The following CRTC1 variants were observed in gnomAD, a reference collection of about 807,000 sequenced individuals.
CRTC1 encodes the protein CREB regulated transcription coactivator 1, also known as CREB-regulated transcription coactivator 1.
A neutral mutation model predicts 66.1 loss-of-function variants in CRTC1; 18 were observed. The observed-to-expected ratio is 0.27, with a 90% confidence interval of 0.19 to 0.40. The LOEUF (loss-of-function observed/expected upper bound fraction) is 0.40, where lower values mean the gene tolerates loss of function less well. Ranked by LOEUF, CRTC1 falls within the 10% of genes least tolerant of loss-of-function variation. The probability of loss-of-function intolerance (pLI) is 1.00; values close to 1 mark genes in which losing one functional copy is unlikely to be tolerated. For synonymous variants in CRTC1, 416 were observed against 398.8 expected, an observed-to-expected ratio of 1.04 and a Z score of -0.51; for missense variants, 669 against 887.9, an observed-to-expected ratio of 0.75 and a Z score of 3.13.
rs187249810 is a variant in CRTC1, at chr19:18,701,447, C to T, written c.126+17619C>T. Among the ~76,000 whole-genome samples, 25 of 152,378 alleles carry T rather than the reference C, an allele frequency of 1.6e-4. No individual in the cohort carries two copies. In the South Asian group the frequency reaches 2.9e-3, roughly 18 times the overall value. ...TGCTTGGCCGAGGCCAGCTGTTGAGCTGCTACTTGGGGCAACAGTGAGAGC... is the reference window on the plus strand; with the variant it reads ...TGCTTGGCCGAGGCCAGCTGTTGAGTTGCTACTTGGGGCAACAGTGAGAGC... On this transcript the variant is annotated intron_variant, in intron 1 of 13. Coordinates refer to ENST00000321949, the MANE Select transcript of CRTC1 (RefSeq NM_015321.3).
At chr19:18,729,562 T>C (rs1003311418) in intron 1 of CRTC1, among the ~76,000 whole-genome samples, 4 of 151,644 alleles carry the variant, frequency 2.6e-5, no homozygotes, top group African/African-American at 9.7e-5. Context: ...CTGGGCAACA[T>C]AGGGAGACCG....
chr19:18,748,850 A>G (rs1041406761), intron 4 of CRTC1, among the ~76,000 whole-genome samples: 3 of 152,256 alleles, frequency 2.0e-5, no homozygotes, highest in Middle Eastern at 3.4e-3. Flanking sequence ...AGCCCGTATC[A>G]TAGGTCAGGC....
intron 1 of CRTC1, among the ~76,000 whole-genome samples, chr19:18,713,519 G>A (rs878913833): frequency 1.3e-5 from 2 of 152,210 alleles, no homozygotes; most frequent in African/African-American, 4.8e-5. Flanking sequence ...GTTCTCTGCT[G>A]TGCCCCTTCT....
rs1377684039 is a variant in CRTC1, at chr19:18,779,769, TGTTAACGTGACGACCTTG to T, written c.*2390_*2407del. On this transcript the variant is annotated 3_prime_UTR_variant, in exon 14 of 14. Coordinates refer to ENST00000321949, the MANE Select transcript of CRTC1 (RefSeq NM_015321.3). ...TGAAGCCAGATTCACAGTGACATTG[TGTTAACGTGACGACCTTG>T]GTCCATTATGGAGTTCTTTTTCCAA... is the stretch of plus-strand genomic sequence containing the variant. The T allele has an allele frequency of 4.5e-6, 1 of 223,502 alleles. No homozygotes were observed. Among genetic ancestry groups the T allele is most frequent in the East Asian group, 6.5e-5 (1 of 15,480 alleles). 13.8% of individuals were successfully genotyped at this position (223,502 alleles called of 1,614,324 possible).
rs541412896 is a variant in CRTC1 at position 18,720,513 on chromosome 19, C to A, written c.127-22397C>A. Among the ~76,000 whole-genome samples, 14 of 145,476 alleles carry A rather than the reference C, an allele frequency of 9.6e-5. No homozygotes were observed. The East Asian group carries it at 2.8e-3, about 29-fold the overall frequency. The stretch of plus-strand genomic sequence containing the variant: ...TACAGTCGCCTGCCACCACGCCCGG[C>A]TAATTTTTAGTGTTTTTTTTTTTTT... On this transcript the variant is annotated intron_variant, in intron 1 of 13. Coordinates refer to ENST00000321949, the MANE Select transcript of CRTC1 (RefSeq NM_015321.3).
At chr19:18,726,074 C>T (rs985559783) in intron 1 of CRTC1, among the ~76,000 whole-genome samples, 1 of 152,256 alleles carries the variant, frequency 6.6e-6, no homozygotes, top group Non-Finnish European at 1.5e-5. Context: ...GGAACAGGCT[C>T]CAGCTCCTTG....
At chr19:18,738,039 G>A (rs1196120640) in intron 1 of CRTC1, among the ~76,000 whole-genome samples, 1 of 152,216 alleles carries the variant, frequency 6.6e-6, no homozygotes, top group Non-Finnish European at 1.5e-5. Context: ...TTATACTGGA[G>A]TGGGGCACGG....
chr19:18,710,728 C>A (rs1019901875), intron 1 of CRTC1, among the ~76,000 whole-genome samples: 57 of 152,256 alleles, frequency 3.7e-4, no homozygotes, highest in African/African-American at 1.4e-3. Flanking sequence ...TCTCCTGCCT[C>A]AGCCTCCCCA....
intron 2 of CRTC1, among the ~76,000 whole-genome samples, chr19:18,743,566 G>T (rs898629143): frequency 6.6e-6 from 1 of 152,212 alleles, no homozygotes; most frequent in Non-Finnish European, 1.5e-5. Flanking sequence ...GGCCGAGGGA[G>T]CTGGCCTATG....
At chr19:18,698,319 AGT>A (rs1321468579) in intron 1 of CRTC1, among the ~76,000 whole-genome samples, 2 of 151,074 alleles carry the variant, frequency 1.3e-5, no homozygotes, top group African/African-American at 4.9e-5. Flanking sequence ...CAGCAGGCAC[AGT>A]GTGTACTCAG....
chr19:18,726,954 A>C (rs1360182739), intron 1 of CRTC1, among the ~76,000 whole-genome samples: 2 of 147,026 alleles, frequency 1.4e-5, no homozygotes, highest in East Asian at 4.1e-4. Context: ...AAAAAAAAAG[A>C]AGGCAAAACA....
chr19:18,727,946 G>A (rs570814903), intron 1 of CRTC1, among the ~76,000 whole-genome samples: 1 of 152,168 alleles, frequency 6.6e-6, no homozygotes, highest in South Asian at 2.1e-4. Context: ...GGCTGATCTC[G>A]AACTCATGAC....
chr19:18,714,331 G>A (rs1317315362), intron 1 of CRTC1, among the ~76,000 whole-genome samples: 15 of 150,892 alleles, frequency 9.9e-5, no homozygotes, highest in Non-Finnish European at 2.1e-4. Flanking sequence ...TTTTTGAGAC[G>A]GAGTCTTGCT....
chr19:18,749,836 T>C lies in CRTC1; in HGVS notation c.499T>C (p.Ser167Pro). The change falls in exon 5 of 14, where the codon TCC (serine) becomes CCC (proline). Residue 167 changes from serine (S) to proline (P), a missense_variant. By Grantham distance (74) the Ser-to-Pro change is moderately conservative. Transcript: ENST00000321949. ...CACAATGACGCCCACGCAGCCAGAA[T>C]CCTTTAGCAGTGGGTCCCAGGACGT... ...QSTMTPTQPE[S>P]FSSGSQDVHQ... 1 of 1,614,012 alleles carries C rather than the reference T, an allele frequency of 6.2e-7. No individual in the cohort carries two copies. The highest frequency in any genetic ancestry group is 1.3e-5 in the African/African-American group (1 of 75,020).
intron 1 of CRTC1, among the ~76,000 whole-genome samples, chr19:18,696,440 TG>T (rs1232864629): frequency 3.3e-5 from 5 of 152,206 alleles, no homozygotes; most frequent in Admixed American, 1.3e-4. Flanking sequence ...CTAGAATCCA[TG>T]TATTTGTGCA....
intron 1 of CRTC1, among the ~76,000 whole-genome samples, chr19:18,731,679 CCCCGCTAG>C (rs1463397080): frequency 1.3e-5 from 2 of 152,108 alleles, no homozygotes; most frequent in Non-Finnish European, 2.9e-5. Context: ...ACAGCAGGCC[CCCCGCTAG>C]CCCCCTTGCG....
At chr19:18,751,621 A>G (rs1413352796) in intron 5 of CRTC1, among the ~76,000 whole-genome samples, 1 of 152,168 alleles carries the variant, frequency 6.6e-6, no homozygotes, top group African/African-American at 2.4e-5. Context: ...CCAGAGCCTC[A>G]ATTGATGCCC....
chr19:18,711,612 C>T lies in CRTC1; in HGVS notation c.126+27784C>T, dbSNP rs114779193. 6.4e-3 allele frequency among the ~76,000 whole-genome samples: 972 copies of T among 152,348 alleles called. 15 individuals carry two copies. Among genetic ancestry groups the T allele is most frequent in the African/African-American group, 0.022 (930 of 41,582 alleles). On this transcript the variant is annotated intron_variant, in intron 1 of 13. Transcript: ENST00000321949. ...GCTCCTGCTCCTGCCTGCCAGGTTA[C>T]AGGCTCTGACGTGGGCCTGAGGGCC...
intron 1 of CRTC1, among the ~76,000 whole-genome samples, chr19:18,691,522 C>CAAAAAAAAAA (rs60633222): frequency 2.8e-5 from 2 of 72,660 alleles, no homozygotes; most frequent in Non-Finnish European, 5.0e-5. Context: ...CCCTTTTCTC[C>CAAAAAAAAAA]AAAAAAAAAA....
Sources: gnomAD v4.1 joint callset for allele counts (sites outside exome capture counted in the v4.1 genomes callset) on GRCh38, gnomAD v4.1.1 for gene constraint, MANE v1.5 for transcripts, NCBI Gene and HGNC (gene_info 2026-07-23, HGNC 2026-07-21) for gene names.